Variants in HMGN3 observed in about 807,000 individuals in gnomAD.
HMGN3 encodes the protein high mobility group nucleosomal binding domain 3, also known as high mobility group nucleosome-binding domain-containing protein 3.
A neutral mutation model predicts 18.8 loss-of-function variants in HMGN3; 6 were observed. The ratio of observed to expected loss-of-function variants is 0.32; its 90% CI spans 0.18 to 0.63. HMGN3 has a LOEUF of 0.63. HMGN3 is among the 30% of genes least tolerant of loss of function. The pLI is 0.79. For missense variants in HMGN3, 107 were observed against 114.2 expected (o/e 0.94, Z 0.29); for synonymous variants, 40 against 36.5 (o/e 1.10, Z -0.35).
At chr6:79,232,002 C>A (rs893173367) in intron 1 of HMGN3, among the ~76,000 whole-genome samples, 17 of 152,158 alleles carry the variant, frequency 1.1e-4, no homozygotes, top group African/African-American at 4.1e-4. Context: ...CTCTGCAGAA[C>A]AACTTACTCA....
chr6:79,216,007 C>T (rs1414296580), intron 1 of HMGN3, among the ~76,000 whole-genome samples: 2 of 152,082 alleles, frequency 1.3e-5, no homozygotes, highest in East Asian at 1.9e-4. Context: ...CAAAATAAAA[C>T]AGCTATGTGG....
chr6:79,234,182 G>C (rs1415804348), intron 1 of HMGN3: 1 of 214,030 alleles, frequency 4.7e-6, no homozygotes, highest in African/African-American at 2.3e-5. Flanking sequence ...TCCTCTCGCT[G>C]TTTTCCCTTC....
intron 1 of HMGN3, among the ~76,000 whole-genome samples, chr6:79,221,266 T>C (rs1168883336): frequency 6.6e-6 from 1 of 152,206 alleles, no homozygotes; most frequent in Non-Finnish European, 1.5e-5. Context: ...TCATTTGTAC[T>C]GATAATGAAG....
chr6:79,233,604 G>A (rs1269064951), intron 1 of HMGN3: 1 of 152,218 alleles, frequency 6.6e-6, no homozygotes, highest in South Asian at 2.1e-4. Context: ...CAGGGAGGAG[G>A]AAACCTTTCC....
chr6:79,222,406 C>T (rs972718899), intron 1 of HMGN3, among the ~76,000 whole-genome samples: 13 of 152,092 alleles, frequency 8.5e-5, no homozygotes, highest in African/African-American at 2.7e-4. Context: ...CTAACTCTGT[C>T]GCTCTTCAGC....
chr6:79,225,277 G>C (rs1777512348), intron 1 of HMGN3, among the ~76,000 whole-genome samples: 1 of 151,792 alleles, frequency 6.6e-6, no homozygotes, highest in South Asian at 2.1e-4. Flanking sequence ...TACCTCTCAG[G>C]GTAGATTTTG....
intron 1 of HMGN3, among the ~76,000 whole-genome samples, chr6:79,223,016 C>G (rs1777379771): frequency 6.6e-6 from 1 of 152,116 alleles, no homozygotes; most frequent in Admixed American, 6.5e-5. Flanking sequence ...AGTTGTGTGC[C>G]AGTATGTTCA....
intron 1 of HMGN3, among the ~76,000 whole-genome samples, chr6:79,223,937 C>T (rs1211403743): frequency 6.6e-6 from 1 of 152,114 alleles, no homozygotes; most frequent in Non-Finnish European, 1.5e-5. Flanking sequence ...ACTTATTTAT[C>T]ACACTATAGA....
chr6:79,229,616 A>T (rs1007028385), intron 1 of HMGN3, among the ~76,000 whole-genome samples: 3 of 152,156 alleles, frequency 2.0e-5, no homozygotes, highest in Non-Finnish European at 4.4e-5. Flanking sequence ...CGTGGCTCAC[A>T]CCTGTAATCC....
intron 1 of HMGN3, among the ~76,000 whole-genome samples, chr6:79,216,786 G>A (rs567095031): frequency 1.8e-4 from 28 of 152,212 alleles, no homozygotes; most frequent in African/African-American, 6.5e-4. Flanking sequence ...ACTGGTCTTT[G>A]CTCACTTCCA....
chr6:79,232,150 G>T (rs72893783), intron 1 of HMGN3, among the ~76,000 whole-genome samples: 1 of 152,184 alleles, frequency 6.6e-6, no homozygotes. Context: ...GAAAAATATT[G>T]TGTAGTATGT....
exon 1 of HMGN3, chr6:79,234,597 G>C (rs1464672993): frequency 1.2e-6 from 2 of 1,608,270 alleles, no homozygotes; most frequent in Admixed American, 1.7e-5. Flanking sequence ...TAAAGCAACG[G>C]ACTGGAACTG....
At chr6:79,212,546 G>A (rs147227750) in intron 2 of HMGN3, among the ~76,000 whole-genome samples, 1 of 152,300 alleles carries the variant, frequency 6.6e-6, no homozygotes, top group Admixed American at 6.5e-5. Context: ...TTTCGTTGAG[G>A]AATAATCTGC....
intron 1 of HMGN3, among the ~76,000 whole-genome samples, chr6:79,228,263 G>A (rs1177465953): frequency 6.6e-6 from 1 of 151,938 alleles, no homozygotes; most frequent in South Asian, 2.1e-4. Flanking sequence ...ACTCATTCAG[G>A]TTGAAAAAAA....
intron 1 of HMGN3, among the ~76,000 whole-genome samples, chr6:79,232,522 A>T (rs1286544146): frequency 6.6e-6 from 1 of 152,074 alleles, no homozygotes; most frequent in Non-Finnish European, 1.5e-5. Flanking sequence ...TAGTCTCAGG[A>T]CCATTGGCTA....
chr6:79,230,191 T>C (rs1777772218), intron 1 of HMGN3, among the ~76,000 whole-genome samples: 1 of 152,156 alleles, frequency 6.6e-6, no homozygotes, highest in Non-Finnish European at 1.5e-5. Context: ...CACAAAAGAC[T>C]ACATATTGTA....
chr6:79,230,819 C>A (rs1441558491), intron 1 of HMGN3, among the ~76,000 whole-genome samples: 1 of 152,008 alleles, frequency 6.6e-6, no homozygotes, highest in East Asian at 1.9e-4. Context: ...TTTCATGTAG[C>A]CAAATTTATC....
chr6:79,224,136 T>A (rs1167689901), intron 1 of HMGN3, among the ~76,000 whole-genome samples: 1 of 152,174 alleles, frequency 6.6e-6, no homozygotes, highest in East Asian at 1.9e-4. Flanking sequence ...TAACTAGGAA[T>A]TGTGGCCAGA....
intron 1 of HMGN3, among the ~76,000 whole-genome samples, chr6:79,226,776 A>T (rs1777586529): frequency 6.6e-6 from 1 of 152,142 alleles, no homozygotes; most frequent in Non-Finnish European, 1.5e-5. Context: ...CCTACTTCTG[A>T]ATGTGCATAT....
Sources: gnomAD v4.1 joint callset for allele counts (sites outside exome capture counted in the v4.1 genomes callset) on GRCh38, gnomAD v4.1.1 for gene constraint, MANE v1.5 for transcripts, NCBI Gene and HGNC (gene_info 2026-07-23, HGNC 2026-07-21) for gene names.